UHRF2: variants seen among roughly 807,000 people sequenced by gnomAD.
UHRF2 encodes E3 ubiquitin-protein ligase UHRF2.
UHRF2 carries 23 observed loss-of-function variants against 96.8 expected under a neutral mutation model. The observed-to-expected ratio is 0.24, with a 90% CI of 0.17 to 0.34. UHRF2 has a LOEUF of 0.34. UHRF2 is among the 10% of genes least tolerant of loss of function. The pLI is 1.00. For synonymous variants in UHRF2, 385 were observed against 332.6 expected, an observed-to-expected ratio of 1.16 and a Z score of -1.72; for missense variants, 685 against 981.5, an observed-to-expected ratio of 0.70 and a Z score of 4.04.
At chr9:6,476,553 A>AG (rs1823583574) in intron 5 of UHRF2, among the ~76,000 whole-genome samples, 1 of 152,244 alleles carries the variant, frequency 6.6e-6, no homozygotes, top group East Asian at 1.9e-4. Context: ...AGACAGGATT[A>AG]GATTCTAGGT....
chr9:6,476,279 G>C (rs1249115632), intron 5 of UHRF2, among the ~76,000 whole-genome samples: 1 of 152,050 alleles, frequency 6.6e-6, no homozygotes, highest in Non-Finnish European at 1.5e-5. Context: ...TTTATCTGTT[G>C]ATGCGTTTCT....
intron 3 of UHRF2, among the ~76,000 whole-genome samples, chr9:6,437,269 G>T (rs993439029): frequency 6.6e-6 from 1 of 152,326 alleles, no homozygotes; most frequent in African/African-American, 2.4e-5. Flanking sequence ...GTCTCGTTCT[G>T]TTGCTCAGTC....
chr9:6,487,918 A>G (rs1390394380), intron 9 of UHRF2, among the ~76,000 whole-genome samples: 1 of 152,078 alleles, frequency 6.6e-6, no homozygotes. Flanking sequence ...CTATTTTGAG[A>G]TAGTTGTAGA....
chr9:6,426,104 T>G (rs966538515), intron 2 of UHRF2, among the ~76,000 whole-genome samples: 1 of 152,214 alleles, frequency 6.6e-6, no homozygotes, highest in African/African-American at 2.4e-5. Flanking sequence ...AATTTCTGTT[T>G]AGCAAACTTC....
chr9:6,469,725 C>CAT (rs1823116943), intron 4 of UHRF2, among the ~76,000 whole-genome samples: 1 of 97,992 alleles, frequency 1.0e-5, no homozygotes, highest in Non-Finnish European at 1.9e-5. Context: ...CATATATGTG[C>CAT]ATATATACGT....
chr9:6,426,921 G>A (rs539793912), intron 2 of UHRF2, among the ~76,000 whole-genome samples: 4 of 151,952 alleles, frequency 2.6e-5, no homozygotes, highest in Admixed American at 2.6e-4. Context: ...GCTAATTTTT[G>A]TACTTTCAGT....
At chr9:6,483,528 C>T (rs930696893) in intron 8 of UHRF2, among the ~76,000 whole-genome samples, 1 of 152,094 alleles carries the variant, frequency 6.6e-6, no homozygotes, top group Non-Finnish European at 1.5e-5. Context: ...AGTACAGACA[C>T]AGCCGTCTGT....
chr9:6,463,540 G>A (rs1015539081), intron 4 of UHRF2, among the ~76,000 whole-genome samples: 4 of 151,360 alleles, frequency 2.6e-5, no homozygotes, highest in South Asian at 2.1e-4. Flanking sequence ...GCACAATCCC[G>A]GCTCACTGCA....
chr9:6,473,002 A>T (rs926928084), intron 4 of UHRF2, among the ~76,000 whole-genome samples: 1 of 152,236 alleles, frequency 6.6e-6, no homozygotes, highest in Non-Finnish European at 1.5e-5. Flanking sequence ...TAAAATGTAT[A>T]GGGTACAAAC....
intron 8 of UHRF2, among the ~76,000 whole-genome samples, chr9:6,482,336 T>C (rs1823975824): frequency 6.6e-6 from 1 of 152,210 alleles, no homozygotes; most frequent in Admixed American, 6.5e-5. Context: ...ATAGTTGTGG[T>C]AGTAACCATT....
intron 1 of UHRF2, among the ~76,000 whole-genome samples, chr9:6,416,535 C>CTTTTTTT (rs60522189): frequency 1.7e-4 from 11 of 64,968 alleles, no homozygotes; most frequent in East Asian, 5.5e-4. Context: ...ATCTCTAAAT[C>CTTTTTTT]TTTTTTTTTT....
rs544185859 is a variant in UHRF2 at position 6,499,389 on chromosome 9, T to C, written c.1909-446T>C. 8 of 152,438 alleles carry C rather than the reference T, an allele frequency of 5.2e-5. No homozygotes were observed. In the South Asian group the frequency reaches 1.2e-3, roughly 24 times the overall value. 9.4% of individuals were successfully genotyped at this position (152,438 alleles called of 1,614,324 possible). On this transcript the variant is annotated intron_variant, in intron 12 of 15. Transcript: ENST00000276893. ...TTGTAAAAGCTCCTGCCGCTAACTT[T>C]AGGAGATGAGAAGTTTGACCCTTAA...
chr9:6,474,884 G>C (rs1313465095), intron 4 of UHRF2, among the ~76,000 whole-genome samples: 2 of 151,908 alleles, frequency 1.3e-5, no homozygotes, highest in Non-Finnish European at 2.9e-5. Flanking sequence ...TATATTTATT[G>C]GAAATTTATT....
intron 3 of UHRF2, among the ~76,000 whole-genome samples, chr9:6,450,310 C>CG (rs942611545): frequency 6.9e-6 from 1 of 144,336 alleles, no homozygotes; most frequent in Admixed American, 6.9e-5. Flanking sequence ...CCCTTCCCCC[C>CG]CCCCCATTTA....
chr9:6,501,979 C>G (rs957655470), intron 14 of UHRF2, among the ~76,000 whole-genome samples: 1 of 152,138 alleles, frequency 6.6e-6, no homozygotes, highest in Non-Finnish European at 1.5e-5. Context: ...GGGACAGATT[C>G]TGACCTTCCT....
At chr9:6,434,897 C>T (rs1820751450) in intron 3 of UHRF2, among the ~76,000 whole-genome samples, 1 of 151,974 alleles carries the variant, frequency 6.6e-6, no homozygotes, top group African/African-American at 2.4e-5. Flanking sequence ...GCAATGTGAT[C>T]CTGGCTCGCT....
intron 11 of UHRF2, 60 bp from the exon 12 acceptor site, chr9:6,497,958 A>G: frequency 6.3e-7 from 1 of 1,587,636 alleles, no homozygotes. Flanking sequence ...TGATACCACT[A>G]ATGTGATGAA....
chr9:6,492,406 G>T, intron 9 of UHRF2: 2 of 1,034,942 alleles, frequency 1.9e-6, no homozygotes, highest in Non-Finnish European at 2.4e-6. Context: ...CTAGATGTAC[G>T]TATTTATTAG....
intron 2 of UHRF2, among the ~76,000 whole-genome samples, chr9:6,433,216 G>A (rs1195347724): frequency 3.9e-5 from 6 of 152,118 alleles, no homozygotes; most frequent in Admixed American, 3.9e-4. Context: ...TGATACACCT[G>A]TTTTTTAATA....
Sources: gnomAD v4.1 joint callset for allele counts (sites outside exome capture counted in the v4.1 genomes callset) on GRCh38, gnomAD v4.1.1 for gene constraint, MANE v1.5 for transcripts, NCBI Gene and HGNC (gene_info 2026-07-23, HGNC 2026-07-21) for gene names.